Variants in ELOVL6 observed in about 807,000 individuals in gnomAD.
ELOVL6 encodes ELOVL fatty acid elongase 6.
In ELOVL6, 8 loss-of-function variants were observed where a neutral mutation model predicts 31.7. The observed-to-expected ratio is 0.25, with a 90% CI of 0.15 to 0.45. The LOEUF is 0.45. Among genes scored for constraint, ELOVL6 ranks in the 20% least tolerant of loss-of-function variants. The probability of loss-of-function intolerance (pLI) is 1.00; values close to 1 mark genes in which losing one functional copy is unlikely to be tolerated. For missense variants in ELOVL6, 126 were observed against 326.4 expected, an observed-to-expected ratio of 0.39 and a Z score of 4.73; for synonymous variants, 101 against 117.7, an observed-to-expected ratio of 0.86 and a Z score of 0.92.
intron 2 of ELOVL6, among the ~76,000 whole-genome samples, chr4:110,061,536 C>G (rs1216836094): frequency 1.6e-5 from 2 of 127,736 alleles, no homozygotes; most frequent in Non-Finnish European, 3.2e-5. Flanking sequence ...GTCTTTCCCT[C>G]ACCAAATGAT....
intron 2 of ELOVL6, among the ~76,000 whole-genome samples, chr4:110,084,129 G>A (rs749343386): frequency 0.14 from 5,506 of 39,542 alleles, 988 homozygotes; most frequent in African/African-American, 0.34. Context: ...TAACATATAT[G>A]TGATAATGAT....
chr4:110,089,745 C>T (rs1756367801), intron 2 of ELOVL6, among the ~76,000 whole-genome samples: 1 of 152,184 alleles, frequency 6.6e-6, no homozygotes, highest in African/African-American at 2.4e-5. Context: ...GTCAAAGCAG[C>T]TCATTGTTGC....
chr4:110,140,362 T>G (rs1175443188), intron 1 of ELOVL6, among the ~76,000 whole-genome samples: 1 of 152,168 alleles, frequency 6.6e-6, no homozygotes, highest in Non-Finnish European at 1.5e-5. Flanking sequence ...CCTGCTCTGC[T>G]AAAAAAGAAT....
At chr4:110,175,675 G>A (rs1431755507) in intron 1 of ELOVL6, among the ~76,000 whole-genome samples, 1 of 152,126 alleles carries the variant, frequency 6.6e-6, no homozygotes, top group African/African-American at 2.4e-5. Flanking sequence ...TTACAAAGCT[G>A]AACAAGGATC....
chr4:110,130,185 C>T (rs533815223), intron 1 of ELOVL6, among the ~76,000 whole-genome samples: 12 of 152,110 alleles, frequency 7.9e-5, no homozygotes, highest in East Asian at 3.9e-4. Flanking sequence ...CATGAGCCAC[C>T]GCGCCTGGCC....
intron 2 of ELOVL6, among the ~76,000 whole-genome samples, chr4:110,084,557 C>T (rs1286293217): frequency 0.074 from 4,538 of 61,180 alleles, 407 homozygotes; most frequent in African/African-American, 0.27. Flanking sequence ...CACACACACA[C>T]ACACAGATAT....
intron 2 of ELOVL6, among the ~76,000 whole-genome samples, chr4:110,065,906 C>T (rs1333212183): frequency 1.3e-5 from 2 of 152,108 alleles, no homozygotes; most frequent in East Asian, 1.9e-4. Context: ...TATTGATCTT[C>T]GTCTTAAATG....
chr4:110,178,039 T>C (rs1362268346), intron 1 of ELOVL6, among the ~76,000 whole-genome samples: 1 of 152,190 alleles, frequency 6.6e-6, no homozygotes, highest in East Asian at 1.9e-4. Flanking sequence ...CGTCTAAAAA[T>C]GATTAAAAAA....
At chr4:110,105,859 A>T (rs1302455159) in intron 1 of ELOVL6, among the ~76,000 whole-genome samples, 5 of 152,236 alleles carry the variant, frequency 3.3e-5, no homozygotes, top group African/African-American at 1.2e-4. Flanking sequence ...GTCAGGATAG[A>T]TATATTTCCT....
chr4:110,100,246 T>C (rs1317984228), intron 2 of ELOVL6, among the ~76,000 whole-genome samples: 1 of 152,148 alleles, frequency 6.6e-6, no homozygotes, highest in Non-Finnish European at 1.5e-5. Flanking sequence ...CAGAGAAATC[T>C]TCCTCAAATG....
chr4:110,122,976 C>T (rs1424374762), intron 1 of ELOVL6, among the ~76,000 whole-genome samples: 1 of 152,200 alleles, frequency 6.6e-6, no homozygotes, highest in African/African-American at 2.4e-5. Context: ...TTCTTACCTA[C>T]TGTAGCACTT....
chr4:110,172,088 T>C (rs1758966235), intron 1 of ELOVL6, among the ~76,000 whole-genome samples: 1 of 152,090 alleles, frequency 6.6e-6, no homozygotes, highest in African/African-American at 2.4e-5. Flanking sequence ...AATCCCAACT[T>C]GAAGCCACTC....
At chr4:110,172,360 A>G (rs1044343848) in intron 1 of ELOVL6, among the ~76,000 whole-genome samples, 1 of 152,218 alleles carries the variant, frequency 6.6e-6, no homozygotes, top group African/African-American at 2.4e-5. Flanking sequence ...CACTTAAAAG[A>G]AAGTCATGTA....
chr4:110,074,051 A>G (rs1755563165), intron 2 of ELOVL6, among the ~76,000 whole-genome samples: 1 of 152,144 alleles, frequency 6.6e-6, no homozygotes, highest in Non-Finnish European at 1.5e-5. Context: ...TTCCTGGGGT[A>G]TTACATAAAT....
intron 1 of ELOVL6, among the ~76,000 whole-genome samples, chr4:110,109,821 G>C (rs1488539538): frequency 1.3e-5 from 2 of 152,168 alleles, no homozygotes; most frequent in African/African-American, 4.8e-5. Flanking sequence ...TTTCAACATA[G>C]GATAATTGCT....
chr4:110,186,955 G>A (rs1043298759), intron 1 of ELOVL6, among the ~76,000 whole-genome samples: 10 of 145,344 alleles, frequency 6.9e-5, no homozygotes, highest in Non-Finnish European at 1.2e-4. Flanking sequence ...GGATGTCAAT[G>A]TTCCGTGATT....
chr4:110,161,481 C>T (rs1315999948), intron 1 of ELOVL6, among the ~76,000 whole-genome samples: 1 of 152,118 alleles, frequency 6.6e-6, no homozygotes, highest in African/African-American at 2.4e-5. Flanking sequence ...CCTGCACATC[C>T]CCAGCTGAGG....
At chr4:110,057,208 G>A (rs62325293) in intron 3 of ELOVL6, among the ~76,000 whole-genome samples, 127 of 152,188 alleles carry the variant, frequency 8.3e-4, no homozygotes, top group Middle Eastern at 6.8e-3. Context: ...GGGAAAAGGC[G>A]TTTCTAGAAG....
chr4:110,133,936 T>A (rs1180215330), intron 1 of ELOVL6, among the ~76,000 whole-genome samples: 2 of 152,144 alleles, frequency 1.3e-5, no homozygotes, highest in African/African-American at 4.8e-5. Context: ...TTTAGAAAAG[T>A]AGAATAATAA....
Sources: allele counts gnomAD v4.1 joint callset (sites outside exome capture counted in the v4.1 genomes callset), GRCh38; gene constraint gnomAD v4.1.1; transcripts MANE v1.5; gene names NCBI Gene and HGNC (gene_info 2026-07-23, HGNC 2026-07-21).